The following KATNAL2 variants were observed in gnomAD, a reference collection of about 807,000 sequenced individuals.
KATNAL2 encodes the protein katanin catalytic subunit A1 like 2.
A neutral mutation model predicts 76.3 loss-of-function variants in KATNAL2; 52 were observed. That is an observed-to-expected ratio of 0.68 (90% CI 0.55 to 0.86). The LOEUF (loss-of-function observed/expected upper bound fraction) is 0.86. Among genes scored for constraint, KATNAL2 ranks in the 40% least tolerant of loss-of-function variants. KATNAL2 has a pLI of 0.00. For missense variants in KATNAL2, 660 were observed against 668.9 expected, an observed-to-expected ratio of 0.99 and a Z score of 0.15; for synonymous variants, 243 against 244.2, an observed-to-expected ratio of 1.00 and a Z score of 0.05.
intron 3 of KATNAL2, among the ~76,000 whole-genome samples, chr18:46,961,976 T>C (rs1276310568): frequency 6.6e-6 from 1 of 152,344 alleles, no homozygotes; most frequent in Middle Eastern, 3.4e-3. Flanking sequence ...CGGAAAGAGC[T>C]ACAGTTATCT....
At chr18:46,944,875 CA>C (rs1211297014) in intron 1 of KATNAL2, among the ~76,000 whole-genome samples, 2 of 152,130 alleles carry the variant, frequency 1.3e-5, no homozygotes, top group Non-Finnish European at 2.9e-5. Flanking sequence ...TGCAGTGAAC[CA>C]AGATCGTGCA....
intron 3 of KATNAL2, chr18:47,032,629 T>C (rs529851605): frequency 6.4e-6 from 2 of 310,344 alleles, no homozygotes; most frequent in African/African-American, 4.4e-5. Context: ...GGCTTGTGTG[T>C]TTTTGTCTAA....
chr18:46,928,461 G>C (rs2058800705), intron 1 of KATNAL2, among the ~76,000 whole-genome samples: 1 of 152,144 alleles, frequency 6.6e-6, no homozygotes, highest in Admixed American at 6.6e-5. Context: ...TTTCAGAAGA[G>C]TACCTGGCCG....
At chr18:47,046,364 C>A in intron 3 of KATNAL2, 93 bp from the exon 4 acceptor site, 1 of 827,524 alleles carries the variant, frequency 1.2e-6, no homozygotes. Context: ...TGCTGCTTGG[C>A]TTTGACAGGT....
intron 3 of KATNAL2, among the ~76,000 whole-genome samples, chr18:46,958,041 G>C (rs896904380): frequency 3.3e-5 from 5 of 152,188 alleles, no homozygotes; most frequent in Admixed American, 2.6e-4. Flanking sequence ...ATCAGTCAAA[G>C]GTCTGAGTAG....
chr18:47,048,166 C>T (rs996251774), intron 4 of KATNAL2, among the ~76,000 whole-genome samples: 3 of 152,136 alleles, frequency 2.0e-5, no homozygotes, highest in Non-Finnish European at 4.4e-5. Context: ...AATTATCTGA[C>T]TTTGAATGTC....
At chr18:46,957,829 T>A (rs890880631) in intron 3 of KATNAL2, among the ~76,000 whole-genome samples, 3 of 152,126 alleles carry the variant, frequency 2.0e-5, no homozygotes, top group Non-Finnish European at 4.4e-5. Context: ...CCCAAAGTGC[T>A]GAGAATACAG....
Position 47,069,248 on chromosome 18 carries a change from C to T in KATNAL2, c.854C>T (p.Ser285Phe), listed in dbSNP as rs1401924994. 6.2e-7 allele frequency: 1 copy of T among 1,611,586 alleles called. No individual in the cohort carries two copies. The highest frequency in any genetic ancestry group is 1.3e-5 in the African/African-American group (1 of 74,746). The change falls in exon 12 of 18, where the codon TCT (serine) becomes TTT (phenylalanine). Residue 285 changes from serine (S) to phenylalanine (F), a missense_variant. Ser to Phe is a radical substitution (Grantham distance 155). Transcript: ENST00000683218. The stretch of plus-strand genomic sequence containing the variant: ...CCACAGCTATTTACAGGAATTCTTT[C>T]TCCCTGGAAAGGACTACTGCTGTAC... The part of the protein sequence containing the change: ...RYPQLFTGIL[S>F]PWKGLLLYGP...
In KATNAL2 at chr18:47,099,372, G is replaced by C. The variant is rs754569498; in HGVS notation, c.1341G>C (p.Leu447=). 11 of 1,613,722 alleles carry C rather than the reference G, an allele frequency of 6.8e-6. No homozygotes were observed. In the African/African-American group the frequency reaches 1.2e-4, roughly 18 times the overall value. ...TGAGCAAGAGCAGGGCCTTGGAGCT[G>C]CACACAGAGCTGGAGTACAGTGTGC... The part of the protein sequence containing the change: ...PPVSKSRALE[L]HTELEYSVLS... Residue 447 remains leucine (L), a synonymous_variant, in exon 16 of 18, where the codon CTG becomes CTC. Transcript: ENST00000683218.
chr18:47,044,988 C>A (rs1638825600), intron 3 of KATNAL2, among the ~76,000 whole-genome samples: 1 of 151,900 alleles, frequency 6.6e-6, no homozygotes, highest in Non-Finnish European at 1.5e-5. Context: ...GTCCCAGCTA[C>A]TGAGGAGACT....
At chr18:47,059,482 T>C in intron 7 of KATNAL2, 74 bp from the exon 8 acceptor site, 1 of 998,950 alleles carries the variant, frequency 1.0e-6, no homozygotes, top group Non-Finnish European at 1.6e-6. Flanking sequence ...CTTTGCTTGA[T>C]GGAGTAGGCA....
In KATNAL2 at chr18:47,077,386, A is replaced by G; in HGVS notation, c.1136A>G (p.Glu379Gly). The change falls in exon 15 of 18, where the codon GAG (glutamate) becomes GGG (glycine). Residue 379 changes from glutamate to glycine, a missense_variant. Transcript: ENST00000683218. ...EHEGSLRMKTELLVQMDGLAR... is the reference protein window; with the variant it reads ...EHEGSLRMKTGLLVQMDGLAR... ...GAAGGAAGCCTGCGGATGAAGACAG[A>G]GTTACTGGTGCAGATGGATGGGCTG... 1 of 1,613,884 alleles carries G rather than the reference A, an allele frequency of 6.2e-7. No individual in the cohort carries two copies. The highest frequency in any genetic ancestry group is 1.1e-5 in the South Asian group (1 of 91,074).
chr18:46,943,265 A>G (rs11873793), intron 1 of KATNAL2, among the ~76,000 whole-genome samples: 7,054 of 152,230 alleles, frequency 0.046, 191 homozygotes, highest in Non-Finnish European at 0.064. Flanking sequence ...TAATTTTGTC[A>G]GGCATTTGAA....
chr18:47,041,193 C>G (rs2060950778), intron 3 of KATNAL2, among the ~76,000 whole-genome samples: 1 of 152,160 alleles, frequency 6.6e-6, no homozygotes, highest in Non-Finnish European at 1.5e-5. Flanking sequence ...ATCGATGAAC[C>G]TACACTGGCA....
At position 46,940,597 on chromosome 18, in the gene KATNAL2, C is replaced by T. The variant is rs953155825; in HGVS notation, c.-509-5460C>T. 2.0e-5 allele frequency among the ~76,000 whole-genome samples: 3 copies of T among 152,178 alleles called. No homozygotes were observed. In the East Asian group the frequency reaches 5.8e-4, roughly 29 times the overall value. ...GCACATTTCTTGTCATTCTTGAAAA[C>T]TCCCTCTCAATCTTGCATGCCTAGA... On this transcript the variant is annotated intron_variant, in intron 1 of 17. Coordinates refer to ENST00000683218, the MANE Select transcript of KATNAL2 (RefSeq NM_001387690.1).
rs377384836 is a variant in KATNAL2 at position 47,063,398 on chromosome 18, C to G, written c.726+37C>G. 6.6e-6 allele frequency: 10 copies of G among 1,522,696 alleles called. No homozygotes were observed. The Admixed American group carries it at 1.4e-4, about 21-fold the overall frequency. 94.3% of individuals were successfully genotyped at this position (1,522,696 alleles called of 1,614,324 possible). A position where few individuals can be genotyped will look rare whatever the true frequency, so the allele number is the denominator to read the frequency against. ...TATTCAATTCACAAATTTATGGAGGCAGGCTGGGGCTTCTGGAGCTTTGTG... is the reference window on the plus strand; with the variant it reads ...TATTCAATTCACAAATTTATGGAGGGAGGCTGGGGCTTCTGGAGCTTTGTG... On this transcript the variant is annotated intron_variant, in intron 10 of 17. Transcript: ENST00000683218.
intron 3 of KATNAL2, among the ~76,000 whole-genome samples, chr18:46,953,550 G>A (rs1003752255): frequency 6.6e-6 from 1 of 152,168 alleles, no homozygotes; most frequent in African/African-American, 2.4e-5. Flanking sequence ...AAGTCCAGGA[G>A]TTTGAGACCA....
chr18:46,961,888 G>A (rs1433220891), intron 3 of KATNAL2, among the ~76,000 whole-genome samples: 3 of 152,336 alleles, frequency 2.0e-5, no homozygotes, highest in African/African-American at 7.2e-5. Flanking sequence ...CGTATGATAT[G>A]ATTGAGAATG....
At chr18:47,094,603 C>A (rs2063147902) in intron 15 of KATNAL2, among the ~76,000 whole-genome samples, 1 of 152,220 alleles carries the variant, frequency 6.6e-6, no homozygotes, top group African/African-American at 2.4e-5. Flanking sequence ...GGCTTGCCAA[C>A]TGTGGGCTCC....
Sources: allele counts gnomAD v4.1 joint callset (sites outside exome capture counted in the v4.1 genomes callset), GRCh38; gene constraint gnomAD v4.1.1; transcripts MANE v1.5; gene names NCBI Gene and HGNC (gene_info 2026-07-23, HGNC 2026-07-21).